Variants in SLC4A10 observed in about 807,000 individuals in gnomAD.
SLC4A10 encodes sodium-driven chloride bicarbonate exchanger.
A neutral mutation model predicts 137.7 loss-of-function variants in SLC4A10; 42 were observed. That is an observed-to-expected ratio of 0.30 (90% CI 0.24 to 0.39). The LOEUF (loss-of-function observed/expected upper bound fraction) is 0.39, where lower values mean the gene tolerates loss of function less well. Ranked by LOEUF, SLC4A10 falls within the 10% of genes least tolerant of loss-of-function variation. The probability of loss-of-function intolerance (pLI) is 1.00; values close to 1 mark genes in which losing one functional copy is unlikely to be tolerated. For synonymous variants in SLC4A10, 474 were observed against 464.1 expected, an observed-to-expected ratio of 1.02 and a Z score of -0.27; for missense variants, 925 against 1,355.0, an observed-to-expected ratio of 0.68 and a Z score of 4.98.
intron 1 of SLC4A10, among the ~76,000 whole-genome samples, chr2:161,724,653 T>G (rs752534450): frequency 2.0e-5 from 3 of 152,224 alleles, no homozygotes; most frequent in Non-Finnish European, 4.4e-5. Flanking sequence ...TAGTCTTAAA[T>G]TCTACTGTTT....
chr2:161,875,347 G>C (rs2061397236), intron 8 of SLC4A10, among the ~76,000 whole-genome samples: 1 of 152,038 alleles, frequency 6.6e-6, no homozygotes, highest in Non-Finnish European at 1.5e-5. Context: ...TTAATATACA[G>C]ATTCCAAAAC....
intron 2 of SLC4A10, among the ~76,000 whole-genome samples, chr2:161,794,633 T>C (rs981531484): frequency 6.6e-6 from 1 of 152,144 alleles, no homozygotes; most frequent in South Asian, 2.1e-4. Flanking sequence ...TATAGAACAT[T>C]GTCAGCAACT....
chr2:161,720,379 T>C (rs961499657), intron 1 of SLC4A10, among the ~76,000 whole-genome samples: 1 of 152,172 alleles, frequency 6.6e-6, no homozygotes, highest in African/African-American at 2.4e-5. Context: ...GTGATGTGGG[T>C]TCTTTTTTGG....
chr2:161,650,086 G>C (rs1291413701), intron 1 of SLC4A10, among the ~76,000 whole-genome samples: 3 of 152,126 alleles, frequency 2.0e-5, no homozygotes, highest in Non-Finnish European at 4.4e-5. Context: ...TTCTGTTCCA[G>C]TTCTCATCAA....
intron 26 of SLC4A10, among the ~76,000 whole-genome samples, chr2:161,980,960 C>T (rs1390913898): frequency 3.3e-5 from 5 of 152,144 alleles, no homozygotes; most frequent in East Asian, 3.9e-4. Context: ...CAAGTAATTC[C>T]GAACAATGGA....
At chr2:161,786,229 G>T (rs1486588808) in intron 2 of SLC4A10, among the ~76,000 whole-genome samples, 1 of 151,460 alleles carries the variant, frequency 6.6e-6, no homozygotes, top group African/African-American at 2.4e-5. Flanking sequence ...TTTTTCTGAT[G>T]TAAGAATAGC....
chr2:161,686,938 A>G (rs2041481866), intron 1 of SLC4A10, among the ~76,000 whole-genome samples: 1 of 150,998 alleles, frequency 6.6e-6, no homozygotes, highest in Non-Finnish European at 1.5e-5. Flanking sequence ...GCTGGAGTGA[A>G]GTGGTGTGAT....
intron 2 of SLC4A10, among the ~76,000 whole-genome samples, chr2:161,783,294 A>C (rs1217254284): frequency 6.6e-6 from 1 of 151,992 alleles, no homozygotes; most frequent in African/African-American, 2.4e-5. Context: ...AAGAGAGATA[A>C]AGTCTTTTCC....
chr2:161,963,384 A>T (rs1345923723), intron 21 of SLC4A10, among the ~76,000 whole-genome samples: 1 of 152,144 alleles, frequency 6.6e-6, no homozygotes, highest in African/African-American at 2.4e-5. Context: ...ATAAAATACA[A>T]CTGAAAATAT....
At chr2:161,869,537 T>A (rs1429514361) in intron 6 of SLC4A10, among the ~76,000 whole-genome samples, 1 of 151,628 alleles carries the variant, frequency 6.6e-6, no homozygotes, top group Non-Finnish European at 1.5e-5. Flanking sequence ...AATAAAATGT[T>A]AAGCTTTTTA....
At chr2:161,969,281 C>T (rs1401448959) in intron 23 of SLC4A10, among the ~76,000 whole-genome samples, 4 of 152,104 alleles carry the variant, frequency 2.6e-5, no homozygotes, top group Non-Finnish European at 5.9e-5. Context: ...GCTACACAGG[C>T]CAGTCCAAGG....
At chr2:161,821,210 G>T (rs1366166505) in intron 3 of SLC4A10, among the ~76,000 whole-genome samples, 1 of 152,056 alleles carries the variant, frequency 6.6e-6, no homozygotes, top group Non-Finnish European at 1.5e-5. Context: ...ACTATTGTGG[G>T]TTCTGATTTC....
chr2:161,947,945 C>T (rs934393856), intron 17 of SLC4A10, among the ~76,000 whole-genome samples: 1 of 152,074 alleles, frequency 6.6e-6, no homozygotes, highest in Non-Finnish European at 1.5e-5. Flanking sequence ...CGGATCAACT[C>T]CTACTTTCCT....
chr2:161,684,750 G>A (rs964520170), intron 1 of SLC4A10, among the ~76,000 whole-genome samples: 1 of 152,156 alleles, frequency 6.6e-6, no homozygotes, highest in Admixed American at 6.6e-5. Flanking sequence ...GTTTCTCTCT[G>A]TGTGTGTTTT....
At chr2:161,737,683 C>A (rs1305422384) in intron 1 of SLC4A10, among the ~76,000 whole-genome samples, 2 of 152,048 alleles carry the variant, frequency 1.3e-5, no homozygotes, top group African/African-American at 4.8e-5. Flanking sequence ...TTTTAAATTA[C>A]TTTAGTAAGC....
At chr2:161,788,529 T>A (rs1218086312) in intron 2 of SLC4A10, among the ~76,000 whole-genome samples, 1 of 152,078 alleles carries the variant, frequency 6.6e-6, no homozygotes, top group Non-Finnish European at 1.5e-5. Context: ...TAGCCCCTCA[T>A]CCTGGGCAGG....
In SLC4A10 at chr2:161,882,318, ATTTCTACCTTAAAACATTTTT is replaced by A; in HGVS notation, c.1107-33_1107-13del. On this transcript the variant is annotated intron_variant, in intron 9 of 26. Coordinates refer to ENST00000446997, the MANE Select transcript of SLC4A10 (RefSeq NM_001178015.2). The stretch of plus-strand genomic sequence containing the variant: ...TCTGTATTACTAAAATTATTTTTAT[ATTTCTACCTTAAAACATTTTT>A]TTTCTTCTTAATTACAGATTTTTGT... 12 of 1,276,522 alleles carry A rather than the reference ATTTCTACCTTAAAACATTTTT, an allele frequency of 9.4e-6. No homozygotes were observed. The highest frequency in any genetic ancestry group is 1.3e-5 in the Non-Finnish European group (12 of 920,786). 79.1% of individuals were successfully genotyped at this position (1,276,522 alleles called of 1,614,324 possible). A position where few individuals can be genotyped will look rare whatever the true frequency, so the allele number is the denominator to read the frequency against.
intron 1 of SLC4A10, among the ~76,000 whole-genome samples, chr2:161,662,044 C>T (rs1348891868): frequency 6.6e-6 from 1 of 152,068 alleles, no homozygotes; most frequent in Non-Finnish European, 1.5e-5. Flanking sequence ...TATCCTGACT[C>T]TACAGACTCT....
At chr2:161,674,069 A>G (rs1028185559) in intron 1 of SLC4A10, among the ~76,000 whole-genome samples, 2 of 152,232 alleles carry the variant, frequency 1.3e-5, no homozygotes, top group South Asian at 2.1e-4. Flanking sequence ...TAATACAACA[A>G]TCACATTTAA....
Sources: gnomAD v4.1 joint callset for allele counts (sites outside exome capture counted in the v4.1 genomes callset) on GRCh38, gnomAD v4.1.1 for gene constraint, MANE v1.5 for transcripts, NCBI Gene and HGNC (gene_info 2026-07-23, HGNC 2026-07-21) for gene names.